The following AGMO variants were observed in gnomAD, a reference collection of about 807,000 sequenced individuals.
AGMO encodes alkylglycerol monooxygenase.
A neutral mutation model predicts 60.2 loss-of-function variants in AGMO; 75 were observed. The ratio of observed to expected loss-of-function variants is 1.25; its 90% CI spans 1.03 to 1.51. AGMO has a LOEUF of 1.51. Ranked by LOEUF, AGMO falls within the 40% of genes most tolerant of loss-of-function variation. AGMO has a pLI of 0.00. For synonymous variants in AGMO, 261 were observed against 177.1 expected, an observed-to-expected ratio of 1.47 and a Z score of -3.76; for missense variants, 763 against 525.5, an observed-to-expected ratio of 1.45 and a Z score of -4.42.
chr7:15,176,252 C>A, the AGMO span, among the ~76,000 whole-genome samples: 2 of 151,850 alleles, frequency 1.3e-5, no homozygotes, highest in African/African-American at 4.8e-5. Context: ...TTTCTTCGGG[C>A]TTTGTTCCTC....
At chr7:15,217,359 C>CTG (rs72525142) in intron 12 of AGMO, among the ~76,000 whole-genome samples, 1 of 151,908 alleles carries the variant, frequency 6.6e-6, no homozygotes, top group African/African-American at 2.4e-5. Context: ...ATCTCTCTCT[C>CTG]TCTCTGTGTG....
At chr7:15,212,697 A>T (rs1471435652) in intron 12 of AGMO, among the ~76,000 whole-genome samples, 1 of 151,982 alleles carries the variant, frequency 6.6e-6, no homozygotes, top group Non-Finnish European at 1.5e-5. Context: ...TAGCAGGTAG[A>T]GTATTCCCTG....
chr7:15,309,221 G>C (rs896786747), intron 12 of AGMO, among the ~76,000 whole-genome samples: 2 of 152,100 alleles, frequency 1.3e-5, no homozygotes, highest in African/African-American at 4.8e-5. Flanking sequence ...ACGTAATGAA[G>C]AACTATCGTT....
chr7:15,391,841 C>T (rs541440407), intron 6 of AGMO, among the ~76,000 whole-genome samples: 1 of 152,196 alleles, frequency 6.6e-6, no homozygotes, highest in Non-Finnish European at 1.5e-5. Context: ...GGAGGGGATC[C>T]TAATGACATC....
At chr7:15,389,831 C>T (rs1218552345) in intron 8 of AGMO, among the ~76,000 whole-genome samples, 10 of 152,154 alleles carry the variant, frequency 6.6e-5, no homozygotes, top group African/African-American at 2.4e-4. Flanking sequence ...TATTTTTCTG[C>T]TGCGCTGTTA....
At chr7:15,189,532 AAT>A in the AGMO span, among the ~76,000 whole-genome samples, 1,174 of 152,264 alleles carry the variant, frequency 7.7e-3, 19 homozygotes, top group African/African-American at 0.027. Flanking sequence ...CCAGCACATT[AAT>A]AGCTAATGCT....
At chr7:15,518,437 G>A (rs1251273591) in intron 3 of AGMO, among the ~76,000 whole-genome samples, 1 of 152,106 alleles carries the variant, frequency 6.6e-6, no homozygotes, top group Non-Finnish European at 1.5e-5. Context: ...CTGGCATCTG[G>A]CAGGTGGCCC....
intron 10 of AGMO, among the ~76,000 whole-genome samples, chr7:15,376,002 T>C (rs183226601): frequency 1.3e-5 from 2 of 152,226 alleles, no homozygotes; most frequent in Non-Finnish European, 1.5e-5. Flanking sequence ...AGTTTATCAA[T>C]GTATTTAAAT....
chr7:15,513,230 G>A (rs185771378), intron 3 of AGMO, among the ~76,000 whole-genome samples: 4 of 152,214 alleles, frequency 2.6e-5, no homozygotes, highest in East Asian at 1.9e-4. Context: ...AGACATAGAC[G>A]AACATTACTA....
chr7:15,474,072 C>T (rs917257112), intron 3 of AGMO, among the ~76,000 whole-genome samples: 2 of 152,104 alleles, frequency 1.3e-5, no homozygotes, highest in African/African-American at 4.8e-5. Flanking sequence ...AAATGAAAAA[C>T]ATTCCATGCT....
At chr7:15,247,670 T>G (rs78396880) in intron 12 of AGMO, among the ~76,000 whole-genome samples, 3,768 of 152,246 alleles carry the variant, frequency 0.025, 153 homozygotes, top group African/African-American at 0.086. Flanking sequence ...GAGCATATTC[T>G]GAAAACTAAT....
intron 3 of AGMO, among the ~76,000 whole-genome samples, chr7:15,471,539 C>G (rs999680983): frequency 2.6e-5 from 4 of 151,780 alleles, no homozygotes; most frequent in African/African-American, 9.7e-5. Flanking sequence ...AATCTGTATT[C>G]TTGAATATTG....
At chr7:15,157,461 G>C in the AGMO span, among the ~76,000 whole-genome samples, 10 of 152,166 alleles carry the variant, frequency 6.6e-5, no homozygotes, top group Non-Finnish European at 1.0e-4. Context: ...CTAAGCTGGA[G>C]GTATCTGCAG....
chr7:15,371,714 AT>A (rs35427826), intron 10 of AGMO, among the ~76,000 whole-genome samples: 84,469 of 151,096 alleles, frequency 0.56, 24,098 homozygotes, highest in African/African-American at 0.67. Context: ...TGATTTTTGT[AT>A]TTTTTTTTGT....
intron 3 of AGMO, among the ~76,000 whole-genome samples, chr7:15,543,688 C>T (rs1376117291): frequency 2.0e-5 from 3 of 151,912 alleles, no homozygotes; most frequent in African/African-American, 4.8e-5. Flanking sequence ...ATCATAATAA[C>T]AATAATGGAA....
intron 5 of AGMO, among the ~76,000 whole-genome samples, chr7:15,395,629 G>A (rs1050735988): frequency 6.6e-6 from 1 of 152,216 alleles, no homozygotes; most frequent in South Asian, 2.1e-4. Flanking sequence ...AAGGACAACT[G>A]ATGCAAATTA....
At chr7:15,343,896 A>C (rs371711231) in intron 12 of AGMO, among the ~76,000 whole-genome samples, 1 of 152,198 alleles carries the variant, frequency 6.6e-6, no homozygotes. Flanking sequence ...TTAAAAGTTG[A>C]CATTTATACT....
rs140522271 is a variant in AGMO at position 15,285,732 on chromosome 7, T to C, written c.1263+79782A>G. 9.2e-3 allele frequency among the ~76,000 whole-genome samples: 1,400 copies of C among 152,106 alleles called. 18 individuals carry two copies. Among genetic ancestry groups the C allele is most frequent in the African/African-American group, 0.032 (1,338 of 41,530 alleles). On this transcript the variant is annotated intron_variant, in intron 12 of 12. Coordinates refer to ENST00000342526, the MANE Select transcript of AGMO (RefSeq NM_001004320.2). ...AACTCGAAAAAATATCCTAAAATTCTGTGGATTACAAAAATAACCTTAATA... is the reference window on the plus strand; with the variant it reads ...AACTCGAAAAAATATCCTAAAATTCCGTGGATTACAAAAATAACCTTAATA...
intron 12 of AGMO, among the ~76,000 whole-genome samples, chr7:15,287,370 T>A (rs1784127624): frequency 6.6e-6 from 1 of 152,190 alleles, no homozygotes; most frequent in Non-Finnish European, 1.5e-5. Context: ...CCTATTTTCT[T>A]TGCCACCGAT....
Sources: gnomAD v4.1 joint callset for allele counts (sites outside exome capture counted in the v4.1 genomes callset) on GRCh38, gnomAD v4.1.1 for gene constraint, MANE v1.5 for transcripts, NCBI Gene and HGNC (gene_info 2026-07-23, HGNC 2026-07-21) for gene names.